The following SLC16A7 variants were observed in gnomAD, a reference collection of about 807,000 sequenced individuals.
SLC16A7 encodes solute carrier family 16 member 7.
A neutral mutation model predicts 34.9 loss-of-function variants in SLC16A7; 33 were observed. The observed-to-expected ratio is 0.94, with a 90% CI of 0.72 to 1.26. The LOEUF is 1.26. Among genes scored for constraint, SLC16A7 ranks in the 50% most tolerant of loss-of-function variants. The pLI is 0.00. For synonymous variants in SLC16A7, 201 were observed against 206.6 expected (o/e 0.97, Z 0.23); for missense variants, 573 against 578.1 (o/e 0.99, Z 0.09).
chr12:59,771,088 T>A (rs1669695701), intron 3 of SLC16A7, 131 bp from the exon 4 acceptor site: 3 of 774,874 alleles, frequency 3.9e-6, no homozygotes, highest in Non-Finnish European at 6.3e-6. Flanking sequence ...TCATTATGTT[T>A]CATGTGAACT....
intron 1 of SLC16A7, among the ~76,000 whole-genome samples, chr12:59,619,716 A>C (rs1879611857): frequency 6.6e-6 from 1 of 151,992 alleles, no homozygotes; most frequent in Non-Finnish European, 1.5e-5. Flanking sequence ...TTAACTCTGA[A>C]CTGGTGGCTC....
chr12:59,660,541 C>CAAAAA, intron 2 of SLC16A7, among the ~76,000 whole-genome samples: 1 of 111,508 alleles, frequency 9.0e-6, no homozygotes. Flanking sequence ...CTTGTCTCTA[C>CAAAAA]AAAAAAAAAA....
chr12:59,732,555 G>A (rs1428844082), intron 3 of SLC16A7, among the ~76,000 whole-genome samples: 1 of 152,228 alleles, frequency 6.6e-6, no homozygotes, highest in Non-Finnish European at 1.5e-5. Flanking sequence ...ATATGTGACT[G>A]AAGCCTAATT....
intron 1 of SLC16A7, among the ~76,000 whole-genome samples, chr12:59,650,716 C>T (rs554654654): frequency 8.5e-5 from 13 of 152,156 alleles, no homozygotes; most frequent in African/African-American, 2.6e-4. Context: ...TGTGCTCAGG[C>T]GTGGGTTGGG....
At chr12:59,626,412 T>G (rs1379232326) in intron 1 of SLC16A7, among the ~76,000 whole-genome samples, 1 of 151,816 alleles carries the variant, frequency 6.6e-6, no homozygotes, top group Non-Finnish European at 1.5e-5. Context: ...TACAAATTTG[T>G]ATGGTCCTTT....
At chr12:59,622,079 G>A (rs578196470) in intron 1 of SLC16A7, among the ~76,000 whole-genome samples, 21 of 151,934 alleles carry the variant, frequency 1.4e-4, no homozygotes, top group East Asian at 5.8e-4. Context: ...GGCCTCCCAA[G>A]TATTCTGCTG....
At chr12:59,616,480 T>C (rs1265824310) in intron 1 of SLC16A7, among the ~76,000 whole-genome samples, 4 of 152,202 alleles carry the variant, frequency 2.6e-5, no homozygotes, top group Non-Finnish European at 5.9e-5. Context: ...ATAAATATTT[T>C]AGCTTTTTTA....
chr12:59,640,702 T>G (rs984361722), intron 1 of SLC16A7, among the ~76,000 whole-genome samples: 2 of 152,008 alleles, frequency 1.3e-5, no homozygotes, highest in African/African-American at 4.8e-5. Flanking sequence ...ACAATGAAAG[T>G]TTTTCACAGC....
At chr12:59,753,704 G>A (rs1374570894) in intron 3 of SLC16A7, among the ~76,000 whole-genome samples, 1 of 152,070 alleles carries the variant, frequency 6.6e-6, no homozygotes, top group Non-Finnish European at 1.5e-5. Flanking sequence ...CAACGAGACA[G>A]AAAGTTAACA....
chr12:59,630,132 C>T (rs1949414538), intron 1 of SLC16A7, among the ~76,000 whole-genome samples: 1 of 151,850 alleles, frequency 6.6e-6, no homozygotes. Flanking sequence ...TCTGAATACA[C>T]CACTGAAAAT....
rs116646802 is a variant in SLC16A7, at chr12:59,635,500, C to T, written c.-129-19652C>T. Among the ~76,000 whole-genome samples the T allele has an allele frequency of 8.3e-3, 1,262 of 152,170 alleles. 15 individuals are homozygous for T. Among genetic ancestry groups the T allele is most frequent in the African/African-American group, 0.029 (1,214 of 41,548 alleles). ...TTAAAGAATATTAAAATATCCTTTA[C>T]TTTACTAATTACTTGAACACCATTT... On this transcript the variant is annotated intron_variant, in intron 1 of 5. Coordinates refer to ENST00000547379, the MANE Select transcript of SLC16A7 (RefSeq NM_001270623.2).
intron 4 of SLC16A7, among the ~76,000 whole-genome samples, chr12:59,773,375 G>GT (rs1414393963): frequency 6.6e-6 from 1 of 152,032 alleles, no homozygotes; most frequent in African/African-American, 2.4e-5. Context: ...AAGGGTTGGA[G>GT]TATTTGTACA....
intron 3 of SLC16A7, among the ~76,000 whole-genome samples, chr12:59,736,360 A>G (rs1188517886): frequency 6.6e-6 from 1 of 152,206 alleles, no homozygotes; most frequent in Non-Finnish European, 1.5e-5. Context: ...GCTTTAAATG[A>G]ACACAAAAAA....
rs1345410339 is a variant in SLC16A7 at position 59,782,936 on chromosome 12, C to A, written c.*3257C>A. 3 of 152,092 alleles carry A rather than the reference C, an allele frequency of 2.0e-5. No individual in the cohort carries two copies. Among genetic ancestry groups the A allele is most frequent in the Non-Finnish European group, 4.4e-5 (3 of 68,016 alleles). 9.4% of individuals were successfully genotyped at this position (152,092 alleles called of 1,614,324 possible). On this transcript the variant is annotated 3_prime_UTR_variant, in exon 6 of 6. Transcript: ENST00000547379. ...TGGACTCATTGGCCTCAGCCTAATA[C>A]TAAGAAACAAGTAAAATAATTAGAT...
At chr12:59,763,202 G>C (rs1453429939) in intron 3 of SLC16A7, among the ~76,000 whole-genome samples, 2 of 152,004 alleles carry the variant, frequency 1.3e-5, no homozygotes, top group African/African-American at 2.4e-5. Context: ...AATTTTTAGT[G>C]CTAGTTAAGC....
intron 1 of SLC16A7, among the ~76,000 whole-genome samples, chr12:59,641,369 G>C (rs1016565082): frequency 6.6e-6 from 1 of 152,014 alleles, no homozygotes; most frequent in African/African-American, 2.4e-5. Context: ...CTTATACATG[G>C]TATGCATTCA....
At chr12:59,690,252 A>G (rs2137093222) in intron 2 of SLC16A7, among the ~76,000 whole-genome samples, 1 of 152,124 alleles carries the variant, frequency 6.6e-6, no homozygotes, top group Middle Eastern at 3.4e-3. Context: ...CATATTTAAA[A>G]GTTTGGGCTG....
intron 3 of SLC16A7, chr12:59,760,996 G>A (rs1050083406): frequency 6.0e-5 from 21 of 348,616 alleles, no homozygotes; most frequent in African/African-American, 4.3e-4. Context: ...GGATTCTTCT[G>A]TTAAATATTA....
At chr12:59,664,369 G>C (rs1277676471) in intron 2 of SLC16A7, among the ~76,000 whole-genome samples, 1 of 152,056 alleles carries the variant, frequency 6.6e-6, no homozygotes, top group Non-Finnish European at 1.5e-5. Context: ...TTGGGACAGA[G>C]AGCATGCATT....
Sources: gnomAD v4.1 joint callset for allele counts (sites outside exome capture counted in the v4.1 genomes callset) on GRCh38, gnomAD v4.1.1 for gene constraint, MANE v1.5 for transcripts, NCBI Gene and HGNC (gene_info 2026-07-23, HGNC 2026-07-21) for gene names.